SULF2: variants seen among roughly 807,000 people sequenced by gnomAD.
The protein encoded by SULF2 is extracellular sulfatase Sulf-2.
Under a neutral mutation model 107.7 loss-of-function variants are expected in SULF2, and 52 were observed. The observed-to-expected ratio is 0.48, with a 90% confidence interval of 0.39 to 0.61. The LOEUF (loss-of-function observed/expected upper bound fraction) is 0.61. SULF2 is among the 20% of genes least tolerant of loss of function. The pLI, the probability that SULF2 is intolerant of heterozygous loss-of-function variation, is 0.00. For missense variants in SULF2, 993 were observed against 1,177.3 expected, an observed-to-expected ratio of 0.84 and a Z score of 2.29; for synonymous variants, 460 against 464.3, an observed-to-expected ratio of 0.99 and a Z score of 0.12.
intron 4 of SULF2, among the ~76,000 whole-genome samples, chr20:47,693,962 A>G (rs2146555940): frequency 6.6e-6 from 1 of 152,036 alleles, no homozygotes; most frequent in East Asian, 1.9e-4. Flanking sequence ...AAGAATCAGG[A>G]CTGTCTTGGT....
intron 3 of SULF2, among the ~76,000 whole-genome samples, chr20:47,703,223 G>C (rs1252610557): frequency 6.6e-6 from 1 of 152,216 alleles, no homozygotes; most frequent in African/African-American, 2.4e-5. Flanking sequence ...ACCTTGTAGA[G>C]AGCGATCATT....
intron 3 of SULF2, among the ~76,000 whole-genome samples, chr20:47,731,185 C>CTCTCTCTCTTTTTTTT (rs2089594993): frequency 1.1e-5 from 1 of 93,332 alleles, no homozygotes; most frequent in African/African-American, 5.8e-5. Flanking sequence ...CCTGTATCTT[C>CTCTCTCTCTTTTTTTT]TCTTTTTTTT....
chr20:47,768,719 G>A (rs62200256), intron 1 of SULF2, among the ~76,000 whole-genome samples: 45,372 of 152,120 alleles, frequency 0.3, 7,701 homozygotes, highest in African/African-American at 0.48. Context: ...ACCTGACTCG[G>A]CCACCCTGGC....
rs145526639 is a variant in SULF2 at position 47,672,301 on chromosome 20, G to T, written c.1473C>A (p.Asn491Lys). 201 of 1,613,462 alleles carry T rather than the reference G, an allele frequency of 1.2e-4. No individual in the cohort carries two copies. The African/African-American group carries it at 2.4e-3, about 19-fold the overall frequency. Residue 491 changes from asparagine to lysine, a missense_variant, in exon 11 of 21, where the codon AAC becomes AAA. By Grantham distance (94) the Asn-to-Lys change is moderately conservative. This residue lies in a region of SULF2 where 497 missense variants were observed against 544.1 expected (regional missense o/e 0.91). Transcript: ENST00000688720. ...CCTGCCCGTAGTACTTGGGCACGAG[G>T]TTGGAGAGGGCTCTGCTGCCGCCCA... Reference protein sequence around the residue: ...MRLGGSRALSNLVPKYYGQGS... With the variant: ...MRLGGSRALSKLVPKYYGQGS...
chr20:47,729,389 C>T (rs1247522183), intron 3 of SULF2, among the ~76,000 whole-genome samples: 1 of 152,174 alleles, frequency 6.6e-6, no homozygotes, highest in East Asian at 1.9e-4. Flanking sequence ...TGACCAGACC[C>T]CTCTGGCTGC....
intron 3 of SULF2, among the ~76,000 whole-genome samples, chr20:47,711,053 G>A (rs867951896): frequency 6.6e-6 from 1 of 152,340 alleles, no homozygotes; most frequent in East Asian, 1.9e-4. Flanking sequence ...GGGCACACAC[G>A]GCATCACTGG....
chr20:47,756,954 T>TTAA (rs1447649032), intron 2 of SULF2, among the ~76,000 whole-genome samples: 2 of 152,182 alleles, frequency 1.3e-5, no homozygotes, highest in Non-Finnish European at 2.9e-5. Flanking sequence ...CCTGTTCTCT[T>TTAA]TAACTCTTTG....
rs1313901509 is a variant in SULF2, at chr20:47,665,294, CT to C, written c.1903-2del. The stretch of plus-strand genomic sequence containing the variant: ...TAATTTTGTTCTGCAGGGTTTCAAT[CT>C]GAGGGAGGGGCAGAAGAGGAGGCCT... On this transcript the variant is annotated splice_acceptor_variant, in intron 13 of 20. Transcript: ENST00000688720. LOFTEE classifies it high-confidence loss of function. The C allele has an allele frequency of 5.0e-6, 8 of 1,604,350 alleles. No individual in the cohort carries two copies. The highest frequency in any genetic ancestry group is 6.8e-6 in the Non-Finnish European group (8 of 1,171,308).
intron 1 of SULF2, among the ~76,000 whole-genome samples, chr20:47,773,466 A>G (rs566948204): frequency 1.8e-4 from 27 of 152,372 alleles, no homozygotes; most frequent in Admixed American, 1.8e-3. Flanking sequence ...GAATGTGCAC[A>G]ATGAAACCAA....
intron 1 of SULF2, among the ~76,000 whole-genome samples, chr20:47,779,090 T>A (rs2090775710): frequency 6.6e-6 from 1 of 152,106 alleles, no homozygotes; most frequent in Non-Finnish European, 1.5e-5. Context: ...TCTCCTATCT[T>A]CCCTATTTAG....
intron 2 of SULF2, among the ~76,000 whole-genome samples, chr20:47,747,014 T>TACACAC (rs1555853927): frequency 5.6e-4 from 42 of 74,692 alleles, no homozygotes; most frequent in Middle Eastern, 0.014. Context: ...TATATATATA[T>TACACAC]ATATACACAC....
chr20:47,731,185 C>CTTT (rs199660759), intron 3 of SULF2, among the ~76,000 whole-genome samples: 6,071 of 91,742 alleles, frequency 0.066, 395 homozygotes, highest in East Asian at 0.13. Flanking sequence ...CCTGTATCTT[C>CTTT]TCTTTTTTTT....
At chr20:47,778,205 C>G (rs1332752238) in intron 1 of SULF2, among the ~76,000 whole-genome samples, 1 of 152,186 alleles carries the variant, frequency 6.6e-6, no homozygotes, top group Admixed American at 6.6e-5. Context: ...GGGGTCCTGA[C>G]CATGAGCCAA....
chr20:47,775,823 T>G (rs1396036786), intron 1 of SULF2, among the ~76,000 whole-genome samples: 1 of 152,322 alleles, frequency 6.6e-6, no homozygotes, highest in Non-Finnish European at 1.5e-5. Flanking sequence ...GATGATGAAA[T>G]GCTGGGCAAA....
At chr20:47,724,405 C>T (rs1043328586) in intron 3 of SULF2, among the ~76,000 whole-genome samples, 4 of 152,146 alleles carry the variant, frequency 2.6e-5, no homozygotes, top group Non-Finnish European at 5.9e-5. Context: ...GACTGGGCTG[C>T]GGGGGACACC....
chr20:47,761,024 G>C (rs2090406921), intron 1 of SULF2, among the ~76,000 whole-genome samples: 2 of 152,326 alleles, frequency 1.3e-5, no homozygotes, highest in Middle Eastern at 3.4e-3. Flanking sequence ...TCTGTGAAAT[G>C]GGTGTGCAGG....
chr20:47,744,124 G>A (rs1368963254), intron 2 of SULF2, among the ~76,000 whole-genome samples: 1 of 152,078 alleles, frequency 6.6e-6, no homozygotes, highest in African/African-American at 2.4e-5. Context: ...ACGGTGGGTG[G>A]GGAGTCAAGG....
intron 5 of SULF2, among the ~76,000 whole-genome samples, chr20:47,688,778 G>C (rs1021330868): frequency 6.6e-6 from 1 of 152,242 alleles, no homozygotes; most frequent in African/African-American, 2.4e-5. Flanking sequence ...GGGATGGGAA[G>C]GTGAACAGTG....
intron 11 of SULF2, among the ~76,000 whole-genome samples, chr20:47,670,502 T>C (rs1427149013): frequency 6.6e-6 from 1 of 150,600 alleles, no homozygotes; most frequent in African/African-American, 2.5e-5. Context: ...AGGAAGGAGA[T>C]TCCAACACAG....
Sources: gnomAD v4.1 joint callset for allele counts (sites outside exome capture counted in the v4.1 genomes callset) on GRCh38, gnomAD v4.1.1 for gene constraint, gnomAD v4.1.1 regional missense constraint, MANE v1.5 for transcripts, NCBI Gene and HGNC (gene_info 2026-07-23, HGNC 2026-07-21) for gene names.